The following COMMD10 variants were observed in gnomAD, a reference collection of about 807,000 sequenced individuals.
COMMD10 encodes COMM domain-containing protein 10.
COMMD10 carries 33 observed loss-of-function variants against 28.9 expected under a neutral mutation model. That is an observed-to-expected ratio of 1.14 (90% confidence interval 0.87 to 1.53). The LOEUF (loss-of-function observed/expected upper bound fraction) is 1.53, where lower values mean the gene tolerates loss of function less well. Ranked by LOEUF, COMMD10 falls within the 40% of genes most tolerant of loss-of-function variation. COMMD10 has a pLI of 0.00. For missense variants in COMMD10, 310 were observed against 233.4 expected (o/e 1.33, Z -2.14); for synonymous variants, 110 against 81.7 (o/e 1.35, Z -1.87).
chr5:116,262,602 A>T (rs991366654), intron 5 of COMMD10, among the ~76,000 whole-genome samples: 4 of 151,872 alleles, frequency 2.6e-5, no homozygotes, highest in African/African-American at 9.7e-5. Flanking sequence ...AAGTCTACTC[A>T]TTATAAAAGT....
At chr5:116,284,216 A>C (rs1426850458) in intron 5 of COMMD10, among the ~76,000 whole-genome samples, 1 of 151,944 alleles carries the variant, frequency 6.6e-6, no homozygotes, top group African/African-American at 2.4e-5. Context: ...GCATTATATG[A>C]AAATATCCTT....
chr5:116,272,780 C>T (rs751051749), intron 5 of COMMD10, among the ~76,000 whole-genome samples: 12 of 151,782 alleles, frequency 7.9e-5, no homozygotes, highest in Non-Finnish European at 1.6e-4. Flanking sequence ...GGACAGTTTG[C>T]TGAACTTATT....
intron 5 of COMMD10, among the ~76,000 whole-genome samples, chr5:116,150,684 T>C (rs923199859): frequency 7.0e-6 from 1 of 142,430 alleles, no homozygotes; most frequent in Non-Finnish European, 1.5e-5. Context: ...ATAAGAATGC[T>C]TGTGATTTTT....
chr5:116,182,081 A>G (rs1208319216), intron 5 of COMMD10, among the ~76,000 whole-genome samples: 10 of 152,084 alleles, frequency 6.6e-5, no homozygotes, highest in Admixed American at 3.9e-4. Context: ...TTAGCAAACT[A>G]TTTTAGGTGT....
At chr5:116,193,917 A>G (rs1748438083) in intron 5 of COMMD10, among the ~76,000 whole-genome samples, 1 of 152,204 alleles carries the variant, frequency 6.6e-6, no homozygotes. Context: ...AATTGAGGCC[A>G]TAAAATGAGC....
intron 4 of COMMD10, among the ~76,000 whole-genome samples, chr5:116,097,045 A>T (rs1458803670): frequency 2.6e-5 from 4 of 152,040 alleles, no homozygotes; most frequent in Non-Finnish European, 4.4e-5. Context: ...CTAATAGTAA[A>T]TTACTTTTTA....
rs533672621 is a variant in COMMD10 at position 116,288,167 on chromosome 5, T to G, written c.511-3350T>G. 3.9e-5 allele frequency among the ~76,000 whole-genome samples: 6 copies of G among 151,996 alleles called. No individual in the cohort carries two copies. The South Asian group carries it at 1.2e-3, about 32-fold the overall frequency. The stretch of plus-strand genomic sequence containing the variant: ...TTCTTTATCTGGGAAAATGTTAATT[T>G]CTTCTTCACTTTTGAAGAACTGTTT... On this transcript the variant is annotated intron_variant, in intron 5 of 6. Transcript: ENST00000274458.
At chr5:116,099,221 G>A (rs1750569503) in intron 4 of COMMD10, among the ~76,000 whole-genome samples, 1 of 152,158 alleles carries the variant, frequency 6.6e-6, no homozygotes, top group Admixed American at 6.5e-5. Context: ...CTCATACAGT[G>A]TTTTGTCTTT....
chr5:116,188,490 C>G (rs1179665915), intron 5 of COMMD10: 3 of 152,080 alleles, frequency 2.0e-5, no homozygotes, highest in Non-Finnish European at 4.4e-5. Context: ...TGTGCAGGGG[C>G]CATGCTAATC....
intron 4 of COMMD10, among the ~76,000 whole-genome samples, chr5:116,097,675 A>G (rs913233046): frequency 4.6e-5 from 7 of 152,154 alleles, no homozygotes; most frequent in African/African-American, 1.7e-4. Context: ...TAATTTGCCC[A>G]CGGTTCTGCA....
chr5:116,193,018 A>G (rs1053422541), intron 5 of COMMD10, among the ~76,000 whole-genome samples: 1 of 152,204 alleles, frequency 6.6e-6, no homozygotes. Context: ...CAGCCTCCTC[A>G]CACAAAACAA....
chr5:116,096,623 T>C (rs1750477779), intron 4 of COMMD10, among the ~76,000 whole-genome samples: 1 of 151,658 alleles, frequency 6.6e-6, no homozygotes. Flanking sequence ...AACGTGATGC[T>C]GAATAGGAGT....
At chr5:116,153,736 G>C (rs536000466) in intron 5 of COMMD10, among the ~76,000 whole-genome samples, 2 of 152,108 alleles carry the variant, frequency 1.3e-5, no homozygotes, top group East Asian at 3.9e-4. Flanking sequence ...TTAAGTGTGG[G>C]CCATGGCTTC....
At chr5:116,110,165 A>G (rs1008503506) in intron 4 of COMMD10, among the ~76,000 whole-genome samples, 2 of 152,134 alleles carry the variant, frequency 1.3e-5, no homozygotes, top group Non-Finnish European at 2.9e-5. Flanking sequence ...TTATGTGATG[A>G]ATCACATTTA....
intron 5 of COMMD10, among the ~76,000 whole-genome samples, chr5:116,236,508 A>AC (rs1199797138): frequency 6.6e-6 from 1 of 151,086 alleles, no homozygotes; most frequent in African/African-American, 2.4e-5. Flanking sequence ...CCGTCTCAAA[A>AC]AAAAAAAAAA....
chr5:116,117,828 T>C (rs1751290979), intron 4 of COMMD10, among the ~76,000 whole-genome samples: 1 of 152,188 alleles, frequency 6.6e-6, no homozygotes, highest in Admixed American at 6.5e-5. Context: ...GTATAGAGAT[T>C]ATATATTTTT....
At chr5:116,250,864 G>A (rs1163689163) in intron 5 of COMMD10, among the ~76,000 whole-genome samples, 1 of 151,996 alleles carries the variant, frequency 6.6e-6, no homozygotes, top group Non-Finnish European at 1.5e-5. Context: ...ACCCAGATTA[G>A]AAACCAGTCT....
chr5:116,104,000 T>A (rs146496565), intron 4 of COMMD10, among the ~76,000 whole-genome samples: 3 of 152,154 alleles, frequency 2.0e-5, no homozygotes, highest in Admixed American at 2.0e-4. Context: ...TATGTTCCAT[T>A]GGTCTATATG....
At chr5:116,290,629 G>C (rs2112717862) in intron 5 of COMMD10, among the ~76,000 whole-genome samples, 2 of 152,020 alleles carry the variant, frequency 1.3e-5, no homozygotes, top group Admixed American at 1.3e-4. Flanking sequence ...TTTTGCATCA[G>C]TTTTCTACTT....
Sources: allele counts gnomAD v4.1 joint callset (sites outside exome capture counted in the v4.1 genomes callset), GRCh38; gene constraint gnomAD v4.1.1; transcripts MANE v1.5; gene names NCBI Gene and HGNC (gene_info 2026-07-23, HGNC 2026-07-21).